FPGT: variants seen among roughly 807,000 people sequenced by gnomAD.
FPGT encodes fucose-1-phosphate guanylyltransferase.
In FPGT, 41 loss-of-function variants were observed where a neutral mutation model predicts 45.8. The ratio of observed to expected loss-of-function variants is 0.90; its 90% confidence interval spans 0.70 to 1.16. The LOEUF (loss-of-function observed/expected upper bound fraction) is 1.16. FPGT is among the 50% of genes most tolerant of loss of function. The pLI is 0.00. For missense variants in FPGT, 755 were observed against 689.1 expected, an observed-to-expected ratio of 1.10 and a Z score of -1.07; for synonymous variants, 292 against 247.2, an observed-to-expected ratio of 1.18 and a Z score of -1.70.
In FPGT at chr1:74,208,230, C is replaced by CA. The variant is rs1183147525; in HGVS notation, c.*2411dup. 1.0e-3 allele frequency among the ~76,000 whole-genome samples: 126 copies of CA among 120,034 alleles called. No individual in the cohort carries two copies. The highest frequency in any genetic ancestry group is 4.6e-3 in the Middle Eastern group (1 of 216). 78.7% of individuals were successfully genotyped at this position (120,034 alleles called of 152,430 possible). A position where few individuals can be genotyped will look rare whatever the true frequency, so the allele number is the denominator to read the frequency against. ...ATGTGTTTTAATAAAAGGATCTAGG[C>CA]AAAAAAAAAAAAAGTAAGTCACTCC... On this transcript the variant is annotated 3_prime_UTR_variant, in exon 4 of 4. Transcript: ENST00000370898.
rs755511609 is a variant in FPGT, at chr1:74,205,829, G to A, written c.1782G>A (p.Met594Ile). ...FLEISLKSSL[M>I] ...AAATCAGTTTAAAAAGCAGTTTGATGTAGAGATATTTTAAATATTGTACAC... is the reference window on the plus strand; with the variant it reads ...AAATCAGTTTAAAAAGCAGTTTGATATAGAGATATTTTAAATATTGTACAC... The change falls in exon 4 of 4, where the codon ATG becomes ATA. Residue 594 changes from methionine to isoleucine, a missense_variant. Transcript: ENST00000370898. 3 of 1,515,532 alleles carry A rather than the reference G, an allele frequency of 2.0e-6. No individual in the cohort carries two copies. The highest frequency in any genetic ancestry group is 1.8e-6 in the Non-Finnish European group (2 of 1,103,052). The allele number at this position is 1,515,532 out of a possible 1,614,324, so 93.9% of individuals were successfully genotyped here.
At position 74,206,040 on chromosome 1, in the gene FPGT, G is replaced by A. The variant is rs1387973275; in HGVS notation, c.*208G>A. 1 of 412,236 alleles carries A rather than the reference G, an allele frequency of 2.4e-6. No homozygotes were observed. The highest frequency in any genetic ancestry group is 4.3e-6 in the Non-Finnish European group (1 of 233,382). The allele number at this position is 412,236 out of a possible 1,614,324, so 25.5% of individuals were successfully genotyped here. On this transcript the variant is annotated 3_prime_UTR_variant, in exon 4 of 4. Transcript: ENST00000370898. ...TGAGAAAAGAGATACTATTTTGGAT[G>A]TGTATCAGTATTTTTGTTTTTAATA...
In FPGT at chr1:74,205,647, TTGAG is replaced by T. The variant is rs748291587; in HGVS notation, c.1604_1607del (p.Ser535ThrfsTer4). The T allele has an allele frequency of 2.5e-6, 4 of 1,612,050 alleles. No individual in the cohort carries two copies. The Admixed American group carries it at 6.7e-5, about 27-fold the overall frequency. ...ACGCATTTTCCCAGTTTGTTCTTCT[TTGAG>T]TGACTCAGTTATAACATCCCTAAAG... On this transcript the variant is annotated frameshift_variant, in exon 4 of 4. Coordinates refer to ENST00000370898, the MANE Select transcript of FPGT (RefSeq NM_003838.5). LOFTEE classifies it high-confidence loss of function.
intron 2 of FPGT, among the ~76,000 whole-genome samples, chr1:74,200,071 T>G (rs1247267706): frequency 6.6e-6 from 1 of 152,188 alleles, no homozygotes; most frequent in Non-Finnish European, 1.5e-5. Flanking sequence ...TTTTATTAGT[T>G]TTAATGAAAT....
At chr1:74,199,264 G>C (rs944795) in intron 1 of FPGT, among the ~76,000 whole-genome samples, 62,775 of 152,018 alleles carry the variant, frequency 0.41, 14,379 homozygotes, top group East Asian at 0.73. Context: ...CCAAGTGTCC[G>C]TGATACATAA....
At position 74,205,124 on chromosome 1, in the gene FPGT, T is replaced by C. The variant is rs1365685412; in HGVS notation, c.1077T>C (p.Ile359=). 2 of 1,613,638 alleles carry C rather than the reference T, an allele frequency of 1.2e-6. No homozygotes were observed. Among genetic ancestry groups the C allele is most frequent in the African/African-American group, 2.7e-5 (2 of 74,918 alleles). ...VVLNNSKFYH[I]GTTEEYLFYF... ...TTAATAACTCCAAATTTTATCACAT[T>C]GGAACAACCGAAGAATATTTGTTTT... Residue 359 remains isoleucine (I), a synonymous_variant, in exon 4 of 4, where the codon ATT becomes ATC. Coordinates refer to ENST00000370898, the MANE Select transcript of FPGT (RefSeq NM_003838.5).
rs758922686 is a variant in FPGT, at chr1:74,198,464, G to A, written c.82+104G>A. The A allele has an allele frequency of 3.7e-5, 56 of 1,514,072 alleles. 1 individual carries two copies. In the East Asian group the frequency reaches 1.3e-3, roughly 36 times the overall value. 93.8% of individuals were successfully genotyped at this position (1,514,072 alleles called of 1,614,324 possible). On this transcript the variant is annotated intron_variant, in intron 1 of 3. Coordinates refer to ENST00000370898, the MANE Select transcript of FPGT (RefSeq NM_003838.5). ...GTCACTTCCCGTTTACTTCTCATCT[G>A]TAGGCCTATGACGCTCCCCAGGAGT...
rs573210538 is a variant in FPGT at position 74,204,949 on chromosome 1, A to G, written c.902A>G (p.Tyr301Cys). The stretch of plus-strand genomic sequence containing the variant: ...ACACTGAGCTGTGAAATAGATGCCT[A>G]TGGTGACTTTCTGCAGGCTTTGGGA... ...IGTLSCEIDA[Y>C]GDFLQALGPG... The change falls in exon 4 of 4, where the codon TAT becomes TGT. Residue 301 changes from tyrosine to cysteine, a missense_variant. By Grantham distance (194) the Tyr-to-Cys change is radical. Coordinates refer to ENST00000370898, the MANE Select transcript of FPGT (RefSeq NM_003838.5). 20 of 1,614,138 alleles carry G rather than the reference A, an allele frequency of 1.2e-5. No individual in the cohort carries two copies. The highest frequency in any genetic ancestry group is 2.2e-5 in the South Asian group (2 of 91,080).
Position 74,205,486 on chromosome 1 carries a change from G to C in FPGT, c.1439G>C (p.Ser480Thr), listed in dbSNP as rs752365238. The C allele has an allele frequency of 1.2e-6, 2 of 1,613,304 alleles. No individual in the cohort carries two copies. The highest frequency in any genetic ancestry group is 1.7e-6 in the Non-Finnish European group (2 of 1,179,250). Residue 480 changes from serine (S) to threonine (T), a missense_variant, in exon 4 of 4, where the codon AGT (serine) becomes ACT (threonine). Ser to Thr is a moderately conservative substitution (Grantham distance 58). Transcript: ENST00000370898. ...AFGVQDNLKKSVKTLSDIKLL... is the reference protein window; with the variant it reads ...AFGVQDNLKKTVKTLSDIKLL... Reference sequence around the variant, plus strand: ...GGAGTGCAAGACAACTTGAAAAAGAGTGTGAAAACATTGTCAGATATAAAG... The same window carrying C: ...GGAGTGCAAGACAACTTGAAAAAGACTGTGAAAACATTGTCAGATATAAAG...
Position 74,208,223 on chromosome 1 carries a change from A to T in FPGT, c.*2391A>T, listed in dbSNP as rs1457227201. ...CCTAAGTATGTGTTTTAATAAAAGG[A>T]TCTAGGCAAAAAAAAAAAAAGTAAG... is the stretch of plus-strand genomic sequence containing the variant. On this transcript the variant is annotated 3_prime_UTR_variant, in exon 4 of 4. Transcript: ENST00000370898. Among the ~76,000 whole-genome samples, 1 of 151,408 alleles carries T rather than the reference A, an allele frequency of 6.6e-6. No homozygotes were observed. Among genetic ancestry groups the T allele is most frequent in the African/African-American group, 2.4e-5 (1 of 41,032 alleles).
intron 3 of FPGT, among the ~76,000 whole-genome samples, chr1:74,203,309 A>C (rs796949): frequency 0.98 from 149,086 of 152,192 alleles, 73,102 homozygotes; most frequent in Middle Eastern, 1. Context: ...TGCTGTCCAT[A>C]ATTGAGCGAA....
chr1:74,201,827 G>C (rs1433734585), intron 3 of FPGT, among the ~76,000 whole-genome samples: 1 of 152,164 alleles, frequency 6.6e-6, no homozygotes, highest in Non-Finnish European at 1.5e-5. Flanking sequence ...TGCCATGGTT[G>C]GTTGCTGCAC....
At chr1:74,204,022 T>A in intron 3 of FPGT, among the ~76,000 whole-genome samples, 1 of 146,302 alleles carries the variant, frequency 6.8e-6, no homozygotes, top group Admixed American at 7.0e-5. Flanking sequence ...CCAGCCTGGG[T>A]GACAGTAAGA....
chr1:74,202,292 C>T (rs1651868602), intron 3 of FPGT, among the ~76,000 whole-genome samples: 1 of 152,146 alleles, frequency 6.6e-6, no homozygotes, highest in Non-Finnish European at 1.5e-5. Context: ...TAGAATTATT[C>T]ATCTACATGG....
chr1:74,204,142 ATATT>A (rs1230487736), intron 3 of FPGT, among the ~76,000 whole-genome samples: 2 of 152,052 alleles, frequency 1.3e-5, no homozygotes, highest in African/African-American at 4.8e-5. Context: ...ATTCTACAGT[ATATT>A]TAAATTTTTT....
Position 74,199,800 on chromosome 1 carries a change from C to A in FPGT, c.219C>A (p.His73Gln), listed in dbSNP as rs776517136. The change falls in exon 2 of 4, where the codon CAC (histidine) becomes CAA (glutamine). Residue 73 changes from histidine (H) to glutamine (Q), a missense_variant. Physicochemically the swap from His to Gln is conservative, Grantham distance 24. Coordinates refer to ENST00000370898, the MANE Select transcript of FPGT (RefSeq NM_003838.5). The part of the protein sequence containing the change: ...RKELPLGVQY[H>Q]VFVDPAGAKI... ...AGTTACCCCTTGGAGTTCAATATCACGTTTTTGTGGATCCTGCTGGAGCCA... is the reference window on the plus strand; with the variant it reads ...AGTTACCCCTTGGAGTTCAATATCAAGTTTTTGTGGATCCTGCTGGAGCCA... The A allele has an allele frequency of 6.2e-7, 1 of 1,613,984 alleles. No homozygotes were observed. The highest frequency in any genetic ancestry group is 1.7e-5 in the Admixed American group (1 of 59,980).
intron 2 of FPGT, 50 bp from the exon 3 acceptor site, chr1:74,201,268 T>C: frequency 6.7e-7 from 1 of 1,490,256 alleles, no homozygotes; most frequent in African/African-American, 1.4e-5. Context: ...TGACAAAGTT[T>C]TAGTAGGTTT....
chr1:74,199,176 A>T (rs940003204), intron 1 of FPGT, among the ~76,000 whole-genome samples: 5 of 152,202 alleles, frequency 3.3e-5, no homozygotes, highest in Non-Finnish European at 7.3e-5. Flanking sequence ...AAGTAATAGA[A>T]AATAAAGTAC....
At position 74,202,757 on chromosome 1, in the gene FPGT, C is replaced by T. The variant is rs529911839; in HGVS notation, c.343+1347C>T. ...TTGTAATAACATTCAGCTTAAAACA[C>T]AAACACTGTACAGCTGTACAAAAAT... is the stretch of plus-strand genomic sequence containing the variant. On this transcript the variant is annotated intron_variant, in intron 3 of 3. Transcript: ENST00000370898. Among the ~76,000 whole-genome samples the T allele has an allele frequency of 9.2e-5, 14 of 152,258 alleles. No homozygotes were observed. The South Asian group carries it at 2.9e-3, about 32-fold the overall frequency.
Sources: gnomAD v4.1 joint callset for allele counts (sites outside exome capture counted in the v4.1 genomes callset) on GRCh38, gnomAD v4.1.1 for gene constraint, MANE v1.5 for transcripts, NCBI Gene and HGNC (gene_info 2026-07-23, HGNC 2026-07-21) for gene names.